PARD3: variants seen among roughly 807,000 people sequenced by gnomAD.
PARD3 encodes the protein partitioning defective 3 homolog.
Under a neutral mutation model 155.4 loss-of-function variants are expected in PARD3, and 75 were observed. The ratio of observed to expected loss-of-function variants is 0.48; its 90% CI spans 0.40 to 0.58. The LOEUF (loss-of-function observed/expected upper bound fraction) is 0.58, where lower values mean the gene tolerates loss of function less well. Among genes scored for constraint, PARD3 ranks in the 20% least tolerant of loss-of-function variants. PARD3 has a pLI of 0.00. For synonymous variants in PARD3, 576 were observed against 610.5 expected, an observed-to-expected ratio of 0.94 and a Z score of 0.83; for missense variants, 1,642 against 1,721.7, an observed-to-expected ratio of 0.95 and a Z score of 0.82.
chr10:34,627,366 G>A (rs1194642512), intron 2 of PARD3, among the ~76,000 whole-genome samples: 2 of 152,006 alleles, frequency 1.3e-5, no homozygotes, highest in Non-Finnish European at 2.9e-5. Flanking sequence ...CCCCTCTCCC[G>A]ACAAAAAAAT....
intron 2 of PARD3, among the ~76,000 whole-genome samples, chr10:34,679,582 T>C (rs2093773804): frequency 6.6e-6 from 1 of 152,118 alleles, no homozygotes; most frequent in Admixed American, 6.5e-5. Context: ...TACACATATT[T>C]TACTCAGAGA....
chr10:34,349,074 T>C (rs1036112165), intron 14 of PARD3, among the ~76,000 whole-genome samples: 2 of 152,074 alleles, frequency 1.3e-5, no homozygotes. Context: ...TCATGATGCT[T>C]TGATGTTAGA....
intron 4 of PARD3, among the ~76,000 whole-genome samples, chr10:34,457,418 T>G (rs547263692): frequency 2.6e-5 from 4 of 152,272 alleles, no homozygotes; most frequent in Admixed American, 2.6e-4. Context: ...ATGAAAAATT[T>G]TGGATACAGC....
intron 2 of PARD3, among the ~76,000 whole-genome samples, chr10:34,551,338 G>C (rs889872270): frequency 6.6e-6 from 1 of 152,122 alleles, no homozygotes; most frequent in Non-Finnish European, 1.5e-5. Flanking sequence ...TAACCAACAT[G>C]ACTGCTCAAC....
intron 2 of PARD3, among the ~76,000 whole-genome samples, chr10:34,682,595 C>T (rs148877507): frequency 0.019 from 2,958 of 152,246 alleles, 33 homozygotes; most frequent in Middle Eastern, 0.037. Flanking sequence ...GTGACTCACA[C>T]CTGTAATCTA....
At chr10:34,187,154 G>C (rs984579730) in intron 22 of PARD3, among the ~76,000 whole-genome samples, 1 of 152,164 alleles carries the variant, frequency 6.6e-6, no homozygotes, top group Non-Finnish European at 1.5e-5. Flanking sequence ...TGGGGGTAGA[G>C]AGTGGAGACG....
intron 14 of PARD3, among the ~76,000 whole-genome samples, chr10:34,350,175 T>C (rs1837890093): frequency 6.6e-6 from 1 of 152,232 alleles, no homozygotes; most frequent in African/African-American, 2.4e-5. Flanking sequence ...TTAAATCTTT[T>C]GATGATTTTT....
chr10:34,707,867 C>A (rs1417003897), intron 1 of PARD3, among the ~76,000 whole-genome samples: 2 of 152,210 alleles, frequency 1.3e-5, no homozygotes, highest in African/African-American at 4.8e-5. Flanking sequence ...ATCCACCTCT[C>A]ACTGCACCTC....
intron 1 of PARD3, among the ~76,000 whole-genome samples, chr10:34,744,228 C>T (rs1835026520): frequency 6.6e-6 from 1 of 152,202 alleles, no homozygotes; most frequent in South Asian, 2.1e-4. Context: ...ACAAGCCAGA[C>T]AGTACATTAG....
intron 22 of PARD3, among the ~76,000 whole-genome samples, chr10:34,172,761 C>CA (rs1049509877): frequency 8.9e-4 from 117 of 130,934 alleles, no homozygotes; most frequent in South Asian, 5.7e-3. Flanking sequence ...AAAAAAAAAA[C>CA]AAAAAAAAAA....
chr10:34,385,715 C>T (rs1025710297), intron 7 of PARD3, among the ~76,000 whole-genome samples: 7 of 152,100 alleles, frequency 4.6e-5, no homozygotes, highest in African/African-American at 1.7e-4. Context: ...CTATACTTTT[C>T]CAGTAATTGT....
chr10:34,665,935 C>T (rs993459424), intron 2 of PARD3, among the ~76,000 whole-genome samples: 21 of 144,862 alleles, frequency 1.4e-4, no homozygotes, highest in Non-Finnish European at 3.2e-4. Flanking sequence ...AGATTAGATT[C>T]TAGGCCAGGC....
intron 2 of PARD3, among the ~76,000 whole-genome samples, chr10:34,626,366 T>C (rs1171427791): frequency 2.6e-5 from 4 of 152,218 alleles, no homozygotes; most frequent in Admixed American, 2.6e-4. Context: ...CCTCTCTGTG[T>C]GTGAAGTGTC....
intron 1 of PARD3, among the ~76,000 whole-genome samples, chr10:34,793,381 C>T (rs1402510482): frequency 1.3e-5 from 2 of 152,118 alleles, no homozygotes; most frequent in African/African-American, 2.4e-5. Flanking sequence ...GAGAAGAGGG[C>T]AGGCTGGGGT....
intron 3 of PARD3, among the ~76,000 whole-genome samples, chr10:34,471,929 G>A (rs1234213234): frequency 6.6e-6 from 1 of 152,100 alleles, no homozygotes; most frequent in Non-Finnish European, 1.5e-5. Flanking sequence ...TTGAAACACT[G>A]GTGCACTGGT....
intron 3 of PARD3, among the ~76,000 whole-genome samples, chr10:34,489,631 T>C (rs2079749645): frequency 6.6e-6 from 1 of 152,224 alleles, no homozygotes; most frequent in Admixed American, 6.5e-5. Context: ...CGTGTCTGTT[T>C]ATATTACCTT....
At position 34,375,038 on chromosome 10, in the gene PARD3, T is replaced by C. The variant is rs776274252; in HGVS notation, c.1540-36A>G. 1.7e-5 allele frequency: 26 copies of C among 1,530,248 alleles called. No homozygotes were observed. The South Asian group carries it at 2.0e-4, about 12-fold the overall frequency. 94.8% of individuals were successfully genotyped at this position (1,530,248 alleles called of 1,614,324 possible). On this transcript the variant is annotated intron_variant, in intron 10 of 24. Transcript: ENST00000374788. Reference sequence around the variant, plus strand: ...ACAAAAGTTTTCAGCTGTAATCCTGTGGAAACAACAGGAAAACACACACAC... The same window carrying C: ...ACAAAAGTTTTCAGCTGTAATCCTGCGGAAACAACAGGAAAACACACACAC...
chr10:34,309,548 C>CAAAAAAAAAAAAAAAAA (rs1173904388), intron 20 of PARD3, among the ~76,000 whole-genome samples: 5 of 64,030 alleles, frequency 7.8e-5, no homozygotes, highest in Non-Finnish European at 8.5e-5. Context: ...ACCCTGTCTC[C>CAAAAAAAAAAAAAAAAA]AAAAAAAAAA....
At chr10:34,760,018 A>G (rs1837239943) in intron 1 of PARD3, among the ~76,000 whole-genome samples, 1 of 152,184 alleles carries the variant, frequency 6.6e-6, no homozygotes, top group African/African-American at 2.4e-5. Flanking sequence ...CAATGCCACT[A>G]GGTATATAGG....
Sources: allele counts gnomAD v4.1 joint callset (sites outside exome capture counted in the v4.1 genomes callset), GRCh38; gene constraint gnomAD v4.1.1; transcripts MANE v1.5; gene names NCBI Gene and HGNC (gene_info 2026-07-23, HGNC 2026-07-21).